RBFOX1: variants seen among roughly 807,000 people sequenced by gnomAD.
RBFOX1 encodes RNA binding protein fox-1 homolog 1.
Under a neutral mutation model 57.7 loss-of-function variants are expected in RBFOX1, and 8 were observed. The observed-to-expected ratio is 0.14, with a 90% CI of 0.08 to 0.25. The LOEUF is 0.25. RBFOX1 is among the 10% of genes least tolerant of loss of function. The pLI is 1.00. For synonymous variants in RBFOX1, 326 were observed against 222.4 expected, an observed-to-expected ratio of 1.47 and a Z score of -4.15; for missense variants, 611 against 548.5, an observed-to-expected ratio of 1.11 and a Z score of -1.14.
At chr16:6,031,250 CA>C (rs2095284721) in intron 1 of RBFOX1, among the ~76,000 whole-genome samples, 1 of 152,112 alleles carries the variant, frequency 6.6e-6, no homozygotes, top group South Asian at 2.1e-4. Flanking sequence ...GCAGTGTGTT[CA>C]GAAGCCCGGG....
chr16:5,967,656 A>G (rs1489406510), intron 4 of RBFOX1, among the ~76,000 whole-genome samples: 1 of 152,174 alleles, frequency 6.6e-6, no homozygotes, highest in Non-Finnish European at 1.5e-5. Flanking sequence ...ATTTTAACAA[A>G]TCTATTCTCT....
intron 4 of RBFOX1, among the ~76,000 whole-genome samples, chr16:7,099,411 G>T (rs370145045): frequency 2.6e-5 from 4 of 152,280 alleles, no homozygotes; most frequent in Non-Finnish European, 4.4e-5. Flanking sequence ...AATACCAGAA[G>T]GGGAATGGGA....
chr16:5,440,282 A>G (rs902811008), intron 1 of RBFOX1, among the ~76,000 whole-genome samples: 4 of 152,158 alleles, frequency 2.6e-5, no homozygotes, highest in Admixed American at 6.5e-5. Context: ...TCTCCTTCCA[A>G]TTATATATTC....
At chr16:7,207,578 A>C (rs1037786388) in intron 4 of RBFOX1, among the ~76,000 whole-genome samples, 5 of 152,226 alleles carry the variant, frequency 3.3e-5, no homozygotes, top group African/African-American at 1.2e-4. Flanking sequence ...CTTGCCACAA[A>C]AAATAATGAC....
intron 3 of RBFOX1, among the ~76,000 whole-genome samples, chr16:6,932,594 C>T (rs574788760): frequency 8.5e-5 from 13 of 152,284 alleles, no homozygotes; most frequent in African/African-American, 2.2e-4. Flanking sequence ...CTCACTTCCT[C>T]ATCCCACGGG....
chr16:5,937,062 C>G (rs574174549), intron 4 of RBFOX1, among the ~76,000 whole-genome samples: 3 of 151,576 alleles, frequency 2.0e-5, no homozygotes, highest in Non-Finnish European at 4.4e-5. Flanking sequence ...TCTGGTTTGT[C>G]TGCATCATAG....
chr16:6,261,460 G>A (rs1041304544), intron 1 of RBFOX1, among the ~76,000 whole-genome samples: 4 of 152,148 alleles, frequency 2.6e-5, no homozygotes, highest in African/African-American at 9.7e-5. Context: ...GATTGTTTTA[G>A]TGGCTCAGAC....
At chr16:5,253,585 C>T (rs1233620731) in intron 1 of RBFOX1, among the ~76,000 whole-genome samples, 1 of 152,230 alleles carries the variant, frequency 6.6e-6, no homozygotes, top group African/African-American at 2.4e-5. Flanking sequence ...AACTTGGCCT[C>T]TGAGTCCGTG....
At chr16:7,003,326 G>A (rs1029554106) in intron 3 of RBFOX1, among the ~76,000 whole-genome samples, 2 of 152,034 alleles carry the variant, frequency 1.3e-5, no homozygotes, top group African/African-American at 2.4e-5. Context: ...TGGGCGTGAT[G>A]GTGAGCACTT....
chr16:6,407,098 G>C (rs930712328), intron 2 of RBFOX1, among the ~76,000 whole-genome samples: 1 of 152,132 alleles, frequency 6.6e-6, no homozygotes, highest in Non-Finnish European at 1.5e-5. Context: ...GAGAGTAATT[G>C]AGATGGCTAT....
intron 4 of RBFOX1, among the ~76,000 whole-genome samples, chr16:7,457,684 C>T (rs948885069): frequency 6.6e-6 from 1 of 151,972 alleles, no homozygotes. Flanking sequence ...GCCTCTGTTG[C>T]CCTCATATTT....
At chr16:5,373,344 G>T (rs1376441521) in intron 1 of RBFOX1, among the ~76,000 whole-genome samples, 1 of 152,142 alleles carries the variant, frequency 6.6e-6, no homozygotes. Context: ...TTGGAGGAGG[G>T]ACCCGGTGGG....
intron 4 of RBFOX1, among the ~76,000 whole-genome samples, chr16:7,202,199 G>A (rs9928012): frequency 0.045 from 6,797 of 149,896 alleles, 485 homozygotes; most frequent in African/African-American, 0.16. Flanking sequence ...TGGCCAATAA[G>A]CACATGAAAA....
intron 12 of RBFOX1, among the ~76,000 whole-genome samples, chr16:7,657,126 G>T (rs1568317810): frequency 6.6e-6 from 1 of 152,086 alleles, no homozygotes; most frequent in Non-Finnish European, 1.5e-5. Flanking sequence ...AGTCAAAAAG[G>T]TGTCCTAGGT....
chr16:5,614,021 G>A (rs868009042), intron 3 of RBFOX1, among the ~76,000 whole-genome samples: 1 of 151,966 alleles, frequency 6.6e-6, no homozygotes, highest in African/African-American at 2.4e-5. Context: ...TGTGGAGGGA[G>A]TGTCAAATTC....
At chr16:6,752,336 A>T (rs1568462492) in intron 3 of RBFOX1, among the ~76,000 whole-genome samples, 1 of 152,242 alleles carries the variant, frequency 6.6e-6, no homozygotes, top group Admixed American at 6.5e-5. Context: ...CAGACGAAAT[A>T]CAATGATCTC....
chr16:7,694,622 G>A (rs150531282), intron 14 of RBFOX1, among the ~76,000 whole-genome samples: 14 of 152,234 alleles, frequency 9.2e-5, no homozygotes, highest in Middle Eastern at 3.4e-3. Context: ...CCCTAGACTC[G>A]TATCTCTGCT....
intron 1 of RBFOX1, among the ~76,000 whole-genome samples, chr16:5,283,149 A>G (rs2063312378): frequency 6.6e-6 from 1 of 152,200 alleles, no homozygotes; most frequent in Admixed American, 6.5e-5. Context: ...GCCTGTGGGT[A>G]CAAAGAAGTC....
At chr16:6,767,913 TCAA>T (rs2077569786) in intron 3 of RBFOX1, among the ~76,000 whole-genome samples, 1 of 75,758 alleles carries the variant, frequency 1.3e-5, no homozygotes, top group Non-Finnish European at 2.5e-5. Context: ...GGACTCTATC[TCAA>T]TAATAATAAT....
Sources: gnomAD v4.1 joint callset for allele counts (sites outside exome capture counted in the v4.1 genomes callset) on GRCh38, gnomAD v4.1.1 for gene constraint, MANE v1.5 for transcripts, NCBI Gene and HGNC (gene_info 2026-07-23, HGNC 2026-07-21) for gene names.